C12orf42: variants seen among roughly 807,000 people sequenced by gnomAD.
The protein encoded by C12orf42 is uncharacterized protein C12orf42.
Under a neutral mutation model 21.6 loss-of-function variants are expected in C12orf42, and 25 were observed. The ratio of observed to expected loss-of-function variants is 1.16; its 90% CI spans 0.84 to 1.62. C12orf42 has a LOEUF of 1.62. Ranked by LOEUF, C12orf42 falls within the 40% of genes most tolerant of loss-of-function variation. The probability of loss-of-function intolerance (pLI) is 0.00; values close to 1 mark genes in which losing one functional copy is unlikely to be tolerated. For synonymous variants in C12orf42, 174 were observed against 175.0 expected, an observed-to-expected ratio of 0.99 and a Z score of 0.05; for missense variants, 483 against 459.3, an observed-to-expected ratio of 1.05 and a Z score of -0.47.
the C12orf42 span, chr12:103,151,995 G>A: frequency 6.6e-6 from 1 of 152,324 alleles, no homozygotes; most frequent in East Asian, 1.9e-4. Flanking sequence ...ATGCAGGGGA[G>A]ATTCTCCTTT....
intron 2 of C12orf42, among the ~76,000 whole-genome samples, chr12:103,447,410 C>G (rs1166862724): frequency 6.6e-6 from 1 of 151,932 alleles, no homozygotes; most frequent in African/African-American, 2.4e-5. Flanking sequence ...CTCACCACTT[C>G]TATTCAACAT....
the C12orf42 span, among the ~76,000 whole-genome samples, chr12:103,145,280 A>C: frequency 6.6e-6 from 1 of 152,188 alleles, no homozygotes; most frequent in African/African-American, 2.4e-5. Flanking sequence ...GTAATTCTTA[A>C]GAGTTCTGAC....
the C12orf42 span, chr12:103,505,607 A>C: frequency 3.3e-6 from 1 of 300,078 alleles, no homozygotes; most frequent in South Asian, 2.9e-5. Context: ...TCTGAGTCTT[A>C]GGCTCTGCTG....
chr12:103,172,371 T>G, the C12orf42 span, among the ~76,000 whole-genome samples: 3 of 152,080 alleles, frequency 2.0e-5, no homozygotes, highest in South Asian at 6.2e-4. Flanking sequence ...GAGCCAGAGA[T>G]GAGCAGCCCA....
At position 103,335,477 on chromosome 12, in the gene C12orf42, T is replaced by C. The variant is rs575964191; in HGVS notation, c.260-29132A>G. 5.4e-3 allele frequency among the ~76,000 whole-genome samples: 821 copies of C among 152,340 alleles called. 2 individuals are homozygous for C. The highest frequency in any genetic ancestry group is 8.8e-3 in the Non-Finnish European group (602 of 68,032). On this transcript the variant is annotated intron_variant, in intron 4 of 5. Transcript: ENST00000548883. ...TGTGTGGTCAGAAATAAACATTTAT[T>C]TAACATATATGGTGCAAGATAAAAA...
the C12orf42 span, among the ~76,000 whole-genome samples, chr12:103,079,366 C>G: frequency 6.6e-6 from 1 of 152,048 alleles, no homozygotes; most frequent in African/African-American, 2.4e-5. Context: ...AGTAACTAGA[C>G]AGAAATAGGT....
At chr12:103,095,302 G>A in the C12orf42 span, among the ~76,000 whole-genome samples, 1 of 152,160 alleles carries the variant, frequency 6.6e-6, no homozygotes, top group African/African-American at 2.4e-5. Context: ...ACCAGGCCTT[G>A]CCTGTTCTGC....
At chr12:103,345,210 A>G (rs917245042) in intron 4 of C12orf42, among the ~76,000 whole-genome samples, 48 of 152,244 alleles carry the variant, frequency 3.2e-4, no homozygotes, top group Non-Finnish European at 6.5e-4. Flanking sequence ...ATCAACATAA[A>G]GCATCCAAGA....
At position 103,309,872 on chromosome 12, in the gene C12orf42, G is replaced by A. The variant is rs1279623744; in HGVS notation, c.260-3527C>T. On this transcript the variant is annotated intron_variant, in intron 4 of 5. Coordinates refer to ENST00000548883, the MANE Select transcript of C12orf42 (RefSeq NM_198521.5). ...TCCTGAGCCACAGCTTTGTCCGAGA[G>A]TGGAGACCAAAGCAAATGCCTTCAG... 2.0e-5 allele frequency among the ~76,000 whole-genome samples: 3 copies of A among 152,368 alleles called. No individual in the cohort carries two copies. In the South Asian group the frequency reaches 6.2e-4, roughly 32 times the overall value.
At chr12:103,512,040 T>G in the C12orf42 span, among the ~76,000 whole-genome samples, 2 of 152,136 alleles carry the variant, frequency 1.3e-5, no homozygotes, top group Admixed American at 6.5e-5. Flanking sequence ...GGTTGCTCCT[T>G]GGGAGTCTTG....
the C12orf42 span, among the ~76,000 whole-genome samples, chr12:103,125,607 C>G: frequency 6.6e-6 from 1 of 152,130 alleles, no homozygotes; most frequent in Non-Finnish European, 1.5e-5. Context: ...AAGCTGAATT[C>G]TTCTTTTACT....
At chr12:103,409,495 T>G (rs1283218743) in intron 2 of C12orf42, among the ~76,000 whole-genome samples, 1 of 152,172 alleles carries the variant, frequency 6.6e-6, no homozygotes, top group East Asian at 1.9e-4. Context: ...TTTACAATGC[T>G]GCAAGGGGGA....
intron 5 of C12orf42, among the ~76,000 whole-genome samples, chr12:103,272,466 G>A (rs1275740871): frequency 6.6e-6 from 1 of 152,138 alleles, no homozygotes; most frequent in Non-Finnish European, 1.5e-5. Context: ...TTACTGATTG[G>A]TATCTGCCTC....
intron 2 of C12orf42, among the ~76,000 whole-genome samples, chr12:103,468,779 C>A (rs942692873): frequency 6.6e-6 from 1 of 151,762 alleles, no homozygotes; most frequent in Admixed American, 6.6e-5. Flanking sequence ...CCTCAAGATT[C>A]ATTTTTCCCT....
At chr12:103,541,248 TACA>T in the C12orf42 span, among the ~76,000 whole-genome samples, 1 of 152,208 alleles carries the variant, frequency 6.6e-6, no homozygotes, top group South Asian at 2.1e-4. Context: ...ATTTAGAAGT[TACA>T]ATCACTATTT....
chr12:103,475,908 G>C (rs1954012288), intron 2 of C12orf42, among the ~76,000 whole-genome samples: 1 of 152,150 alleles, frequency 6.6e-6, no homozygotes, highest in Non-Finnish European at 1.5e-5. Flanking sequence ...ACAAAGCTGT[G>C]GGTAGCCACC....
the C12orf42 span, among the ~76,000 whole-genome samples, chr12:103,185,920 T>C: frequency 6.6e-6 from 1 of 152,178 alleles, no homozygotes; most frequent in Non-Finnish European, 1.5e-5. Flanking sequence ...GAAAATGTAC[T>C]AATACAACAT....
chr12:103,267,013 G>A (rs901326452), downstream of C12orf42, among the ~76,000 whole-genome samples: 10 of 152,086 alleles, frequency 6.6e-5, no homozygotes, highest in African/African-American at 1.9e-4. Flanking sequence ...TTCCAAATCC[G>A]GAAACAAGCA....
At chr12:103,361,168 T>C (rs1343626236) in intron 4 of C12orf42, among the ~76,000 whole-genome samples, 4 of 152,122 alleles carry the variant, frequency 2.6e-5, no homozygotes, top group Admixed American at 2.0e-4. Context: ...GGTTTCCTCC[T>C]GCAGGACCCA....
Sources: gnomAD v4.1 joint callset for allele counts (sites outside exome capture counted in the v4.1 genomes callset) on GRCh38, gnomAD v4.1.1 for gene constraint, MANE v1.5 for transcripts, NCBI Gene and HGNC (gene_info 2026-07-23, HGNC 2026-07-21) for gene names.